NAA35: variants seen among roughly 807,000 people sequenced by gnomAD.
NAA35 encodes MAK10 homolog, amino-acid N-acetyltransferase subunit.
In NAA35, 18 loss-of-function variants were observed where a neutral mutation model predicts 101.7. The observed-to-expected ratio is 0.18, with a 90% CI of 0.12 to 0.26. The LOEUF is 0.26. NAA35 is among the 10% of genes least tolerant of loss of function. The probability of loss-of-function intolerance (pLI) is 1.00; values close to 1 mark genes in which losing one functional copy is unlikely to be tolerated. For synonymous variants in NAA35, 267 were observed against 273.1 expected (o/e 0.98, Z 0.22); for missense variants, 601 against 886.8 (o/e 0.68, Z 4.09).
chr9:86,010,545 T>C (rs1342858201), intron 15 of NAA35, among the ~76,000 whole-genome samples: 1 of 150,754 alleles, frequency 6.6e-6, no homozygotes, highest in African/African-American at 2.5e-5. Flanking sequence ...ACATAAAAAC[T>C]TTACTTTTTT....
chr9:86,009,930 G>C lies in NAA35; in HGVS notation c.1289G>C (p.Arg430Pro), dbSNP rs773153171. ...GACTCCTTTGTTACTCACTGTGTTCGGGTAAGAGCTACAATTTGGATTGTC... is the reference window on the plus strand; with the variant it reads ...GACTCCTTTGTTACTCACTGTGTTCCGGTAAGAGCTACAATTTGGATTGTC... ...CIDSFVTHCV[R>P]PFCSLIQIHG... The change falls in exon 15 of 23, where the codon CGG (arginine) becomes CCG (proline). Residue 430 changes from arginine (R) to proline (P), a missense_variant and splice_region_variant. By Grantham distance (103) the Arg-to-Pro change is moderately radical. Around this residue, in one of 8 missense-constraint regions of NAA35, gnomAD observed 190 missense variants for 223.1 expected, o/e 0.85. Coordinates refer to ENST00000361671, the MANE Select transcript of NAA35 (RefSeq NM_024635.4). 4 of 1,611,414 alleles carry C rather than the reference G, an allele frequency of 2.5e-6. No individual in the cohort carries two copies. The highest frequency in any genetic ancestry group is 1.3e-5 in the African/African-American group (1 of 74,812).
chr9:85,941,334 C>T (rs1001826447), intron 1 of NAA35, 61 bp downstream of exon 1: 35 of 985,548 alleles, frequency 3.6e-5, no homozygotes, highest in Middle Eastern at 5.2e-4. Context: ...AGAGCCGCAG[C>T]CCCCCGCGCG....
intron 11 of NAA35, among the ~76,000 whole-genome samples, chr9:85,983,426 G>GAAAGCT (rs1174094679): frequency 6.6e-6 from 1 of 152,106 alleles, no homozygotes; most frequent in African/African-American, 2.4e-5. Context: ...TGGCTTGGTT[G>GAAAGCT]AAAGCTTGAC....
chr9:85,985,806 G>C (rs1166033510), intron 11 of NAA35, among the ~76,000 whole-genome samples: 1 of 152,070 alleles, frequency 6.6e-6, no homozygotes, highest in Admixed American at 6.5e-5. Context: ...TTTCAGACTG[G>C]GGGGAAATGG....
At chr9:86,019,407 G>C (rs907361189) in intron 21 of NAA35, among the ~76,000 whole-genome samples, 1 of 152,204 alleles carries the variant, frequency 6.6e-6, no homozygotes, top group Non-Finnish European at 1.5e-5. Flanking sequence ...GTTGCAGGGA[G>C]CCGAGATTGT....
chr9:85,999,170 G>T (rs1831307925), intron 12 of NAA35, among the ~76,000 whole-genome samples: 1 of 152,112 alleles, frequency 6.6e-6, no homozygotes, highest in Non-Finnish European at 1.5e-5. Context: ...CTAGGAAAAA[G>T]ATCATAGAAA....
chr9:86,004,424 A>G (rs1038769793), intron 13 of NAA35, among the ~76,000 whole-genome samples: 6 of 42,446 alleles, frequency 1.4e-4, no homozygotes, highest in African/African-American at 6.1e-4. Context: ...GGCTGCAGTG[A>G]GCTGTGATCC....
chr9:85,949,267 C>T (rs1405885895), intron 2 of NAA35, among the ~76,000 whole-genome samples: 1 of 151,394 alleles, frequency 6.6e-6, no homozygotes, highest in Non-Finnish European at 1.5e-5. Flanking sequence ...TTTTTCTTAT[C>T]CTTTCTTCCC....
chr9:86,017,676 T>C (rs1832295321), intron 19 of NAA35, 111 bp downstream of exon 19: 2 of 889,946 alleles, frequency 2.2e-6, no homozygotes, highest in Admixed American at 5.5e-5. Context: ...ACCTTTGTTT[T>C]ACTTCCTGTC....
chr9:85,947,133 A>C (rs2118259616), intron 2 of NAA35, among the ~76,000 whole-genome samples: 1 of 152,252 alleles, frequency 6.6e-6, no homozygotes, highest in South Asian at 2.1e-4. Context: ...ATTTTGGGGG[A>C]TTGCCTGTAA....
chr9:85,959,915 C>A (rs1453250140), intron 5 of NAA35, 48 bp downstream of exon 5: 1 of 1,371,786 alleles, frequency 7.3e-7, no homozygotes, highest in Non-Finnish European at 1.0e-6. Context: ...CTGTGACTTA[C>A]CTGAATCTTG....
chr9:86,018,411 G>T lies in NAA35; in HGVS notation c.1914+16G>T, dbSNP rs756861984. Reference sequence around the variant, plus strand: ...ACAGTTCAAGGTGAACCTGCTCAATGAACTTGTTATGAAATCTTTAGTCTT... The same window carrying T: ...ACAGTTCAAGGTGAACCTGCTCAATTAACTTGTTATGAAATCTTTAGTCTT... On this transcript the variant is annotated intron_variant, in intron 20 of 22. Transcript: ENST00000361671. The T allele has an allele frequency of 2.5e-6, 4 of 1,600,342 alleles. No individual in the cohort carries two copies. The highest frequency in any genetic ancestry group is 2.6e-6 in the Non-Finnish European group (3 of 1,171,074).
chr9:85,955,974 G>C (rs982871713), intron 2 of NAA35, among the ~76,000 whole-genome samples: 1 of 152,174 alleles, frequency 6.6e-6, no homozygotes, highest in African/African-American at 2.4e-5. Flanking sequence ...GGAACAAAAG[G>C]AAATTAGATT....
chr9:86,000,686 A>G (rs1831386494), intron 12 of NAA35, among the ~76,000 whole-genome samples: 1 of 152,126 alleles, frequency 6.6e-6, no homozygotes, highest in Non-Finnish European at 1.5e-5. Flanking sequence ...TTGTATGTGT[A>G]GAGATGTTCA....
At chr9:86,002,897 G>A (rs2118329437) in intron 12 of NAA35, among the ~76,000 whole-genome samples, 1 of 152,278 alleles carries the variant, frequency 6.6e-6, no homozygotes, top group African/African-American at 2.4e-5. Flanking sequence ...GCAGTCATTT[G>A]GAGGACATAT....
chr9:85,955,920 T>A (rs916086128), intron 2 of NAA35, among the ~76,000 whole-genome samples: 2 of 152,180 alleles, frequency 1.3e-5, no homozygotes, highest in Non-Finnish European at 2.9e-5. Flanking sequence ...TCTACATGAT[T>A]TAAACAAAAT....
intron 16 of NAA35, among the ~76,000 whole-genome samples, chr9:86,013,415 A>G (rs889241833): frequency 1.4e-4 from 21 of 152,182 alleles, no homozygotes; most frequent in Non-Finnish European, 8.8e-5. Context: ...ATTATAAAAA[A>G]TATTAATACA....
At chr9:85,967,421 A>G (rs995762185) in intron 6 of NAA35, among the ~76,000 whole-genome samples, 2 of 152,320 alleles carry the variant, frequency 1.3e-5, no homozygotes, top group South Asian at 4.2e-4. Context: ...TCGTTTTGCT[A>G]AATTTTTCAG....
intron 11 of NAA35, chr9:85,986,364 AGTGTT>A (rs1173123661): frequency 4.3e-6 from 2 of 466,952 alleles, no homozygotes; most frequent in Non-Finnish European, 8.8e-6. Context: ...ATGATCTAAC[AGTGTT>A]GTAGGTGAGG....
Sources: gnomAD v4.1 joint callset for allele counts (sites outside exome capture counted in the v4.1 genomes callset) on GRCh38, gnomAD v4.1.1 for gene constraint, gnomAD v4.1.1 regional missense constraint, MANE v1.5 for transcripts, NCBI Gene and HGNC (gene_info 2026-07-23, HGNC 2026-07-21) for gene names.